Variants in SCN11A observed in about 807,000 individuals in gnomAD.
SCN11A encodes sodium voltage-gated channel alpha subunit 11.
In SCN11A, 122 loss-of-function variants were observed where a neutral mutation model predicts 162.2. The observed-to-expected ratio is 0.75, with a 90% CI of 0.65 to 0.87. SCN11A has a LOEUF of 0.87. SCN11A is among the 40% of genes least tolerant of loss of function. The pLI, the probability that SCN11A is intolerant of heterozygous loss-of-function variation, is 0.00. For missense variants in SCN11A, 2,015 were observed against 2,181.6 expected (o/e 0.92, Z 1.52); for synonymous variants, 758 against 751.5 (o/e 1.01, Z -0.14).
chr3:39,012,662 A>T (rs951639462), intron 2 of SCN11A, among the ~76,000 whole-genome samples: 10 of 151,858 alleles, frequency 6.6e-5, no homozygotes, highest in Non-Finnish European at 1.5e-4. Context: ...TGTATTAGAG[A>T]CAGGGTTTCA....
chr3:39,029,177 G>T (rs1287964176), intron 2 of SCN11A, among the ~76,000 whole-genome samples: 1 of 152,060 alleles, frequency 6.6e-6, no homozygotes, highest in African/African-American at 2.4e-5. Context: ...CTCTGAAGGG[G>T]TTATACCAAT....
chr3:38,849,766 C>A (rs2064743912), intron 29 of SCN11A: 1 of 152,178 alleles, frequency 6.6e-6, no homozygotes, highest in South Asian at 2.1e-4. Flanking sequence ...ATGGTAATAA[C>A]CTTCTTTCTT....
chr3:38,888,790 A>G (rs2065444391), intron 19 of SCN11A, among the ~76,000 whole-genome samples: 1 of 152,198 alleles, frequency 6.6e-6, no homozygotes, highest in African/African-American at 2.4e-5. Flanking sequence ...GATGACACTT[A>G]AGCCATGATC....
intron 7 of SCN11A, among the ~76,000 whole-genome samples, chr3:38,935,318 T>A (rs1343674986): frequency 6.6e-6 from 1 of 151,666 alleles, no homozygotes; most frequent in African/African-American, 2.4e-5. Context: ...TTAAAACAAC[T>A]AGAAAAGCAA....
At position 38,920,957 on chromosome 3, in the gene SCN11A, T is replaced by A. The variant is rs1256716900; in HGVS notation, c.892+119A>T. On this transcript the variant is annotated intron_variant, in intron 10 of 29. Coordinates refer to ENST00000302328, the MANE Select transcript of SCN11A (RefSeq NM_001349253.2). Reference sequence around the variant, plus strand: ...TGCCCACAGGAGCACCCTGGATGGATGAAGTCCTCCCTTGCTGCTAAGAGA... The same window carrying A: ...TGCCCACAGGAGCACCCTGGATGGAAGAAGTCCTCCCTTGCTGCTAAGAGA... 4 of 914,360 alleles carry A rather than the reference T, an allele frequency of 4.4e-6. No individual in the cohort carries two copies. The Admixed American group carries it at 8.1e-5, about 18-fold the overall frequency. The allele number at this position is 914,360 out of a possible 1,614,324, so 56.6% of individuals were successfully genotyped here. A position where few individuals can be genotyped will look rare whatever the true frequency, so the allele number is the denominator to read the frequency against.
chr3:38,964,975 T>C (rs920890321), intron 2 of SCN11A, among the ~76,000 whole-genome samples: 3 of 152,148 alleles, frequency 2.0e-5, no homozygotes, highest in Non-Finnish European at 2.9e-5. Context: ...CAACGTTCAG[T>C]GTAGGATGAG....
chr3:38,936,031 G>A (rs1191888013), intron 7 of SCN11A, among the ~76,000 whole-genome samples: 1 of 152,004 alleles, frequency 6.6e-6, no homozygotes, highest in Non-Finnish European at 1.5e-5. Context: ...ATGATCAAGT[G>A]GGCTTCATCC....
Position 38,922,135 on chromosome 3 carries a change from T to C in SCN11A, c.713-880A>G, listed in dbSNP as rs116662537. Among the ~76,000 whole-genome samples the C allele has an allele frequency of 4.1e-3, 620 of 152,280 alleles. 1 individual carries two copies. Among genetic ancestry groups the C allele is most frequent in the Non-Finnish European group, 6.1e-3 (415 of 68,018 alleles). On this transcript the variant is annotated intron_variant, in intron 9 of 29. Coordinates refer to ENST00000302328, the MANE Select transcript of SCN11A (RefSeq NM_001349253.2). ...TGGAGAGATAAACTCCCAGATGTAA[T>C]TGAAAGGCATGGAATGACACTAAGT...
rs1917419 is a variant in SCN11A at position 39,024,784 on chromosome 3, G to C, written c.-280+7596C>G. On this transcript the variant is annotated intron_variant, in intron 2 of 29. Transcript: ENST00000302328. Reference sequence around the variant, plus strand: ...AGGGCCAGAAGAGTTTAGACAGACAGGCCTTGCTGGATATCCCCAGTCTAT... The same window carrying C: ...AGGGCCAGAAGAGTTTAGACAGACACGCCTTGCTGGATATCCCCAGTCTAT... 8.8e-3 allele frequency among the ~76,000 whole-genome samples: 1,330 copies of C among 150,944 alleles called. 26 individuals carry two copies. The highest frequency in any genetic ancestry group is 0.032 in the African/African-American group (1,283 of 40,516).
intron 2 of SCN11A, among the ~76,000 whole-genome samples, chr3:38,979,114 C>T (rs2029911058): frequency 6.6e-6 from 1 of 152,212 alleles, no homozygotes; most frequent in African/African-American, 2.4e-5. Flanking sequence ...TATGTAAATT[C>T]ACCAGGGCTA....
chr3:38,904,968 C>A (rs765817047), intron 15 of SCN11A, among the ~76,000 whole-genome samples: 1 of 152,198 alleles, frequency 6.6e-6, no homozygotes, highest in Non-Finnish European at 1.5e-5. Context: ...CCACCTCTAC[C>A]CAGGTGCCAG....
chr3:38,979,258 A>G (rs974283978), intron 2 of SCN11A, among the ~76,000 whole-genome samples: 1 of 152,216 alleles, frequency 6.6e-6, no homozygotes, highest in African/African-American at 2.4e-5. Context: ...CAGATTTTTG[A>G]AATCTAAGTA....
chr3:38,988,557 T>C (rs2030342344), intron 2 of SCN11A, among the ~76,000 whole-genome samples: 1 of 152,134 alleles, frequency 6.6e-6, no homozygotes, highest in South Asian at 2.1e-4. Context: ...TGCCATTGTT[T>C]CTGAAAGCCA....
chr3:38,936,413 A>G, intron 7 of SCN11A, among the ~76,000 whole-genome samples: 2 of 145,540 alleles, frequency 1.4e-5, no homozygotes, highest in African/African-American at 2.6e-5. Flanking sequence ...TCAATTAGGA[A>G]AAGAGGAAGT....
Position 38,909,026 on chromosome 3 carries a change from C to A in SCN11A, c.1270G>T (p.Ala424Ser). 6.2e-7 allele frequency: 1 copy of A among 1,613,800 alleles called. No individual in the cohort carries two copies. Among genetic ancestry groups the A allele is most frequent in the Non-Finnish European group, 8.5e-7 (1 of 1,179,910 alleles). The change falls in exon 13 of 30, where the codon GCC (alanine) becomes TCC (serine). Residue 424 changes from alanine to serine, a missense_variant. By Grantham distance (99) the Ala-to-Ser change is moderately conservative (BLOSUM62 1). Coordinates refer to ENST00000302328, the MANE Select transcript of SCN11A (RefSeq NM_001349253.2). The part of the protein sequence containing the change: ...IEAKEKMFQE[A>S]QQLLKEEKEA... ...TTTTCCTCCTTTAACAGCTGCTGGG[C>A]TTCCTGAAACATCTTTTCCTTGGCC...
In SCN11A at chr3:38,925,253, G is replaced by A. The variant is rs960107997; in HGVS notation, c.712+162C>T. The stretch of plus-strand genomic sequence containing the variant: ...ATCTCAAGCAGTTAGCACAGTGCCT[G>A]GACATATTAGGTGCTCAATAATTAT... On this transcript the variant is annotated intron_variant, in intron 9 of 29. Transcript: ENST00000302328. Among the ~76,000 whole-genome samples, 3 of 150,860 alleles carry A rather than the reference G, an allele frequency of 2.0e-5. No homozygotes were observed. The Admixed American group carries it at 2.0e-4, about 10-fold the overall frequency.
chr3:38,930,294 G>A (rs952563866), intron 7 of SCN11A, among the ~76,000 whole-genome samples: 35 of 152,220 alleles, frequency 2.3e-4, no homozygotes, highest in Non-Finnish European at 3.7e-4. Flanking sequence ...AAATGGTCAT[G>A]AGGCTGCTAC....
chr3:38,871,380 G>A lies in SCN11A; in HGVS notation c.3759+65C>T, dbSNP rs2065122313. ...GAGTCACTGCATTTTTATTAGCTGA[G>A]AAACAATTCATGATTCTCTGAAGGT... On this transcript the variant is annotated intron_variant, in intron 25 of 29. Coordinates refer to ENST00000302328, the MANE Select transcript of SCN11A (RefSeq NM_001349253.2). The A allele has an allele frequency of 5.5e-6, 8 of 1,453,658 alleles. No homozygotes were observed. The South Asian group carries it at 9.7e-5, about 18-fold the overall frequency. The allele number at this position is 1,453,658 out of a possible 1,614,324, so 90.0% of individuals were successfully genotyped here. A position where few individuals can be genotyped will look rare whatever the true frequency, so the allele number is the denominator to read the frequency against.
intron 11 of SCN11A, among the ~76,000 whole-genome samples, chr3:38,916,505 C>A (rs1439060619): frequency 3.3e-5 from 5 of 152,310 alleles, no homozygotes; most frequent in Admixed American, 2.0e-4. Context: ...TATGTCTAAT[C>A]TGCCCAGTCA....
Sources: gnomAD v4.1 joint callset for allele counts (sites outside exome capture counted in the v4.1 genomes callset) on GRCh38, gnomAD v4.1.1 for gene constraint, MANE v1.5 for transcripts, NCBI Gene and HGNC (gene_info 2026-07-23, HGNC 2026-07-21) for gene names.